Variants in MYO9A observed in about 807,000 individuals in gnomAD.
MYO9A encodes the protein myosin IXA.
In MYO9A, 103 loss-of-function variants were observed where a neutral mutation model predicts 293.3. The ratio of observed to expected loss-of-function variants is 0.35; its 90% CI spans 0.30 to 0.41. The LOEUF is 0.41. Ranked by LOEUF, MYO9A falls within the 10% of genes least tolerant of loss-of-function variation. The pLI, the probability that MYO9A is intolerant of heterozygous loss-of-function variation, is 1.00. For synonymous variants in MYO9A, 1,001 were observed against 1,035.7 expected, an observed-to-expected ratio of 0.97 and a Z score of 0.64; for missense variants, 2,685 against 3,033.0, an observed-to-expected ratio of 0.89 and a Z score of 2.69.
At chr15:71,942,943 T>C (rs1293175846) in intron 15 of MYO9A, among the ~76,000 whole-genome samples, 1 of 152,066 alleles carries the variant, frequency 6.6e-6, no homozygotes, top group Admixed American at 6.5e-5. Context: ...TAGGTGAGCA[T>C]CTGTTCAGAT....
At chr15:71,868,367 A>G (rs746414972) in intron 32 of MYO9A, among the ~76,000 whole-genome samples, 1 of 152,064 alleles carries the variant, frequency 6.6e-6, no homozygotes, top group Non-Finnish European at 1.5e-5. Context: ...TCTACTACCT[A>G]TGTCTCCTGC....
chr15:71,940,921 AAAG>A (rs1316907321), intron 15 of MYO9A, among the ~76,000 whole-genome samples: 1 of 152,054 alleles, frequency 6.6e-6, no homozygotes, highest in Non-Finnish European at 1.5e-5. Flanking sequence ...ACTCCATCTC[AAAG>A]AAGAAGGAAG....
intron 19 of MYO9A, among the ~76,000 whole-genome samples, chr15:71,909,876 G>C (rs1255232223): frequency 6.6e-6 from 1 of 152,008 alleles, no homozygotes; most frequent in Non-Finnish European, 1.5e-5. Context: ...TCACATGCCT[G>C]TAGCCACAGC....
chr15:71,870,454 A>G (rs2056473411), intron 32 of MYO9A, among the ~76,000 whole-genome samples: 1 of 152,242 alleles, frequency 6.6e-6, no homozygotes, highest in African/African-American at 2.4e-5. Context: ...ATATAGGGGT[A>G]TACATGTACA....
At chr15:72,005,423 T>C (rs1178714900) in intron 8 of MYO9A, among the ~76,000 whole-genome samples, 1 of 151,996 alleles carries the variant, frequency 6.6e-6, no homozygotes, top group African/African-American at 2.4e-5. Flanking sequence ...CTGAACTGCC[T>C]AGACTTATAA....
At chr15:72,025,364 A>G (rs2077631954) in intron 4 of MYO9A, among the ~76,000 whole-genome samples, 1 of 152,170 alleles carries the variant, frequency 6.6e-6, no homozygotes, top group Non-Finnish European at 1.5e-5. Flanking sequence ...CATTGAGCAA[A>G]AAAACTTTTT....
chr15:72,019,298 C>T (rs1392808397), intron 5 of MYO9A, among the ~76,000 whole-genome samples: 1 of 152,128 alleles, frequency 6.6e-6, no homozygotes, highest in Non-Finnish European at 1.5e-5. Context: ...ATACCATGGG[C>T]TCCAGTGACT....
At chr15:71,969,780 G>C (rs186829063) in intron 12 of MYO9A, among the ~76,000 whole-genome samples, 300 of 151,960 alleles carry the variant, frequency 2.0e-3, no homozygotes, top group African/African-American at 6.8e-3. Context: ...GCATTCAACA[G>C]ACATGTATGG....
chr15:71,840,861 G>T (rs1253912309), intron 39 of MYO9A, among the ~76,000 whole-genome samples: 1 of 152,222 alleles, frequency 6.6e-6, no homozygotes, highest in African/African-American at 2.4e-5. Context: ...TCGACGTCCT[G>T]ACCTCGTGAT....
At chr15:72,097,453 T>C (rs770083635) in intron 1 of MYO9A, among the ~76,000 whole-genome samples, 9 of 152,220 alleles carry the variant, frequency 5.9e-5, no homozygotes, top group Non-Finnish European at 1.0e-4. Context: ...ACACTTTAAA[T>C]AGACTATAGT....
At chr15:72,107,755 T>C (rs2080622648) in intron 1 of MYO9A, among the ~76,000 whole-genome samples, 1 of 150,402 alleles carries the variant, frequency 6.6e-6, no homozygotes, top group African/African-American at 2.4e-5. Context: ...AGGAACCTGT[T>C]TGAAGAAGCT....
intron 1 of MYO9A, among the ~76,000 whole-genome samples, chr15:72,100,478 C>T (rs989498441): frequency 2.0e-5 from 3 of 151,356 alleles, no homozygotes; most frequent in Non-Finnish European, 4.4e-5. Flanking sequence ...AGGTGAGGAG[C>T]GTCTCCGACC....
At position 72,027,718 on chromosome 15, in the gene MYO9A, TA is replaced by T; in HGVS notation, c.998+12del. 6.3e-7 allele frequency: 1 copy of T among 1,589,420 alleles called. No individual in the cohort carries two copies. ...TGTTAACTTCATCTAATTACACAAA[TA>T]AAAATACGTACCGTTCATTATGCTC... On this transcript the variant is annotated intron_variant, in intron 4 of 41. Transcript: ENST00000356056.
chr15:71,993,893 C>T (rs983166822), intron 10 of MYO9A: 7 of 141,436 alleles, frequency 4.9e-5, no homozygotes, highest in East Asian at 2.1e-4. Flanking sequence ...TCGCTTGAAC[C>T]GGAGGTTGTA....
chr15:72,115,835 T>G (rs1019576821), intron 1 of MYO9A, among the ~76,000 whole-genome samples: 1 of 152,118 alleles, frequency 6.6e-6, no homozygotes, highest in Non-Finnish European at 1.5e-5. Flanking sequence ...CTCACAAAAT[T>G]ATTTAAACAT....
In MYO9A at chr15:71,902,940, C is replaced by T; in HGVS notation, c.3000+1G>A. 1.3e-6 allele frequency: 2 copies of T among 1,568,252 alleles called. No homozygotes were observed. Among genetic ancestry groups the T allele is most frequent in the Non-Finnish European group, 8.7e-7 (1 of 1,146,902 alleles). On this transcript the variant is annotated splice_donor_variant, in intron 22 of 41. Transcript: ENST00000356056. LOFTEE classifies it high-confidence loss of function. ...ACCAGAGCTATACAGATTATATTTA[C>T]CATGGTTTTTCCAACTTGATAATTA... is the stretch of plus-strand genomic sequence containing the variant.
intron 13 of MYO9A, among the ~76,000 whole-genome samples, chr15:71,966,668 T>TC (rs1035364765): frequency 1.3e-5 from 2 of 151,874 alleles, no homozygotes; most frequent in African/African-American, 4.8e-5. Flanking sequence ...ATCATCTGGA[T>TC]CCCCCCCAAC....
intron 2 of MYO9A, 91 bp from the exon 3 acceptor site, chr15:72,032,679 G>A: frequency 2.8e-6 from 2 of 708,206 alleles, no homozygotes; most frequent in East Asian, 3.0e-5. Context: ...GGTCAGCTCA[G>A]AGACAAAATG....
At chr15:72,042,910 T>TA (rs200623041) in intron 2 of MYO9A, among the ~76,000 whole-genome samples, 31 of 148,944 alleles carry the variant, frequency 2.1e-4, no homozygotes, top group African/African-American at 5.9e-4. Context: ...TACTAAAAAT[T>TA]AAAAAAAAAC....
Sources: allele counts gnomAD v4.1 joint callset (sites outside exome capture counted in the v4.1 genomes callset), GRCh38; gene constraint gnomAD v4.1.1; transcripts MANE v1.5; gene names NCBI Gene and HGNC (gene_info 2026-07-23, HGNC 2026-07-21).